Variants in PTPRM observed in about 807,000 individuals in gnomAD.
PTPRM encodes protein tyrosine phosphatase receptor type M.
A neutral mutation model predicts 186.7 loss-of-function variants in PTPRM; 47 were observed. The ratio of observed to expected loss-of-function variants is 0.25; its 90% confidence interval spans 0.20 to 0.32. PTPRM has a LOEUF of 0.32. Among genes scored for constraint, PTPRM ranks in the 10% least tolerant of loss-of-function variants. PTPRM has a pLI of 1.00. For synonymous variants in PTPRM, 668 were observed against 674.9 expected, an observed-to-expected ratio of 0.99 and a Z score of 0.16; for missense variants, 1,494 against 1,865.0, an observed-to-expected ratio of 0.80 and a Z score of 3.66.
intron 14 of PTPRM, among the ~76,000 whole-genome samples, chr18:8,226,750 T>C (rs1185440917): frequency 2.0e-5 from 3 of 152,230 alleles, no homozygotes; most frequent in Admixed American, 6.5e-5. Flanking sequence ...AATTATCTTA[T>C]AGTTGAGTAG....
rs115449212 is a variant in PTPRM, at chr18:8,396,636, T to G, written c.4344+2025T>G. On this transcript the variant is annotated intron_variant, in intron 32 of 32. Transcript: ENST00000580170. Reference sequence around the variant, plus strand: ...CGATTCTATCGTAACTTAGGACTTTTTGTATTATGTGTGATCCTGAGGGAG... The same window carrying G: ...CGATTCTATCGTAACTTAGGACTTTGTGTATTATGTGTGATCCTGAGGGAG... Among the ~76,000 whole-genome samples the G allele has an allele frequency of 7.5e-3, 1,138 of 152,276 alleles. 19 individuals carry two copies. Among genetic ancestry groups the G allele is most frequent in the African/African-American group, 0.026 (1,090 of 41,556 alleles).
chr18:8,303,085 G>A (rs1486426845), intron 20 of PTPRM, among the ~76,000 whole-genome samples: 1 of 152,136 alleles, frequency 6.6e-6, no homozygotes, highest in Non-Finnish European at 1.5e-5. Flanking sequence ...TGTGGAGGGA[G>A]CAAGGAGGGC....
At chr18:7,655,849 A>G (rs958296343) in intron 1 of PTPRM, among the ~76,000 whole-genome samples, 1 of 152,232 alleles carries the variant, frequency 6.6e-6, no homozygotes, top group East Asian at 1.9e-4. Context: ...AACTATGTAC[A>G]TAGGAAAAAG....
Position 7,567,844 on chromosome 18 carries a change from C to T in PTPRM, c.26C>T (p.Ala9Val). MRGLGTCLATLAGLLLTAA... is the reference protein window; with the variant it reads MRGLGTCLVTLAGLLLTAA... Reference sequence around the variant, plus strand: ...ATGAGGGGACTTGGGACTTGCCTGGCGACTTTGGCCGGACTTTTGCTAACT... The same window carrying T: ...ATGAGGGGACTTGGGACTTGCCTGGTGACTTTGGCCGGACTTTTGCTAACT... The change falls in exon 1 of 33, where the codon GCG (alanine) becomes GTG (valine). Residue 9 changes from alanine to valine, a missense_variant. Coordinates refer to ENST00000580170, the MANE Select transcript of PTPRM (RefSeq NM_001105244.2). The surrounding 1 kb of genome is among the most constrained non-coding windows in gnomAD (Gnocchi z 4.3). 1 of 1,563,720 alleles carries T rather than the reference C, an allele frequency of 6.4e-7. No homozygotes were observed. Among genetic ancestry groups the T allele is most frequent in the African/African-American group, 1.4e-5 (1 of 70,612 alleles).
chr18:8,269,434 G>A (rs1167222384), intron 19 of PTPRM, among the ~76,000 whole-genome samples: 1 of 151,828 alleles, frequency 6.6e-6, no homozygotes, highest in African/African-American at 2.4e-5. Context: ...TGGATTGGAA[G>A]GCTTAATATT....
chr18:8,143,681 G>A lies in PTPRM; in HGVS notation c.2202G>A (p.Glu734=), dbSNP rs767032880. 75 of 1,607,878 alleles carry A rather than the reference G, an allele frequency of 4.7e-5. No homozygotes were observed. The South Asian group carries it at 7.7e-4, about 16-fold the overall frequency. Residue 734 remains glutamate (E), a synonymous_variant, in exon 14 of 33, where the codon GAG becomes GAA. Coordinates refer to ENST00000580170, the MANE Select transcript of PTPRM (RefSeq NM_001105244.2). ...CTCCGAAACCAGTCCCAGAACCCGA[G>A]AAACAGACAGACCATACAGTTAAAA... The part of the protein sequence containing the change: ...AATPKPVPEP[E]KQTDHTVKIA...
chr18:8,225,390 TA>T (rs66533469), intron 14 of PTPRM, among the ~76,000 whole-genome samples: 77,818 of 151,238 alleles, frequency 0.51, 20,424 homozygotes, highest in Middle Eastern at 0.73. Flanking sequence ...TTGTCTCTTG[TA>T]TTTTTTTTTT....
intron 2 of PTPRM, among the ~76,000 whole-genome samples, chr18:7,870,071 G>C (rs2047910380): frequency 6.6e-6 from 1 of 152,200 alleles, no homozygotes; most frequent in South Asian, 2.1e-4. Context: ...AGTCGGTTTA[G>C]AGAGCTGAAT....
At chr18:8,099,416 A>G (rs189840766) in intron 11 of PTPRM, among the ~76,000 whole-genome samples, 4 of 152,256 alleles carry the variant, frequency 2.6e-5, no homozygotes, top group African/African-American at 7.2e-5. Flanking sequence ...ACAGGCTTCC[A>G]TGAGTATTTG....
rs1346167881 is a variant in PTPRM, at chr18:7,768,654, T to A, written c.74-5495T>A. 7.5e-3 allele frequency among the ~76,000 whole-genome samples: 1,117 copies of A among 149,386 alleles called. 17 individuals carry two copies. The highest frequency in any genetic ancestry group is 0.025 in the African/African-American group (1,023 of 40,682). On this transcript the variant is annotated intron_variant, in intron 1 of 32. Coordinates refer to ENST00000580170, the MANE Select transcript of PTPRM (RefSeq NM_001105244.2). ...TAAAGATATATATATATATATTTTT[T>A]TTTTTTTTTGAGTTGGAGTTTCACT...
chr18:7,867,868 A>G (rs1157383478), intron 2 of PTPRM, among the ~76,000 whole-genome samples: 5 of 152,066 alleles, frequency 3.3e-5, no homozygotes, highest in Non-Finnish European at 5.9e-5. Flanking sequence ...ACATAGTCCT[A>G]TATTTCTTGG....
chr18:8,005,176 A>G (rs536382738), intron 7 of PTPRM, among the ~76,000 whole-genome samples: 1 of 152,356 alleles, frequency 6.6e-6, no homozygotes, highest in African/African-American at 2.4e-5. Flanking sequence ...GGGCAACGAA[A>G]CTGTAGAAAA....
At chr18:7,994,741 G>A (rs980820641) in intron 7 of PTPRM, among the ~76,000 whole-genome samples, 1 of 151,990 alleles carries the variant, frequency 6.6e-6, no homozygotes, top group Non-Finnish European at 1.5e-5. Flanking sequence ...AGTTAATGAA[G>A]AAGTGAAGAA....
intron 17 of PTPRM, among the ~76,000 whole-genome samples, chr18:8,251,219 G>A (rs898638115): frequency 6.6e-6 from 1 of 152,214 alleles, no homozygotes; most frequent in Non-Finnish European, 1.5e-5. Context: ...GTATCCACGT[G>A]AAGGACCCAG....
At chr18:7,740,311 TAAGTA>T (rs1248548480) in intron 1 of PTPRM, among the ~76,000 whole-genome samples, 1 of 152,152 alleles carries the variant, frequency 6.6e-6, no homozygotes, top group African/African-American at 2.4e-5. Flanking sequence ...AAAATTAACA[TAAGTA>T]AAGAGTTTAT....
chr18:8,343,890 T>A (rs2095489301), intron 23 of PTPRM, among the ~76,000 whole-genome samples: 1 of 152,142 alleles, frequency 6.6e-6, no homozygotes, highest in Non-Finnish European at 1.5e-5. Context: ...AAAAACAGTG[T>A]GCAGCTCTAG....
chr18:8,112,181 G>A (rs1199282416), intron 11 of PTPRM, among the ~76,000 whole-genome samples: 6 of 152,244 alleles, frequency 3.9e-5, no homozygotes, highest in Non-Finnish European at 1.5e-5. Flanking sequence ...AAACCTGCTG[G>A]TTACCTGTCT....
chr18:8,295,731 T>A (rs2095090091), intron 19 of PTPRM, among the ~76,000 whole-genome samples: 1 of 152,206 alleles, frequency 6.6e-6, no homozygotes, highest in Non-Finnish European at 1.5e-5. Flanking sequence ...ACTTGTCCAC[T>A]GAGAGTAGGG....
At chr18:8,041,868 C>G (rs1316575028) in intron 7 of PTPRM, among the ~76,000 whole-genome samples, 1 of 152,196 alleles carries the variant, frequency 6.6e-6, no homozygotes, top group Non-Finnish European at 1.5e-5. Flanking sequence ...AGGGCCCATG[C>G]TTGTCTCTCT....
Sources: gnomAD v4.1 joint callset for allele counts (sites outside exome capture counted in the v4.1 genomes callset) on GRCh38, gnomAD v4.1.1 for gene constraint, Gnocchi (gnomAD v3.1) non-coding constraint, MANE v1.5 for transcripts, NCBI Gene and HGNC (gene_info 2026-07-23, HGNC 2026-07-21) for gene names.